The following SEMA6D variants were observed in gnomAD, a reference collection of about 807,000 sequenced individuals.
SEMA6D encodes semaphorin 6D.
In SEMA6D, 35 loss-of-function variants were observed where a neutral mutation model predicts 106.6. The observed-to-expected ratio is 0.33, with a 90% CI of 0.25 to 0.44. The LOEUF is 0.44. SEMA6D is among the 20% of genes least tolerant of loss of function. The pLI is 1.00. For missense variants in SEMA6D, 1,185 were observed against 1,345.9 expected (o/e 0.88, Z 1.87); for synonymous variants, 499 against 487.7 (o/e 1.02, Z -0.31).
chr15:47,245,281 C>T (rs2033139587), intron 1 of SEMA6D, among the ~76,000 whole-genome samples: 1 of 152,154 alleles, frequency 6.6e-6, no homozygotes, highest in Non-Finnish European at 1.5e-5. Context: ...CTTCAAACTG[C>T]TTTCTACAGT....
At chr15:47,234,848 C>T (rs1595785345) in intron 1 of SEMA6D, among the ~76,000 whole-genome samples, 1 of 152,034 alleles carries the variant, frequency 6.6e-6, no homozygotes, top group African/African-American at 2.4e-5. Context: ...ATTTATTTTC[C>T]TTTGGGTAGA....
At chr15:47,298,560 G>C (rs1027894637) in intron 1 of SEMA6D, among the ~76,000 whole-genome samples, 3 of 152,150 alleles carry the variant, frequency 2.0e-5, no homozygotes, top group African/African-American at 7.2e-5. Flanking sequence ...TTTCATAGAA[G>C]TCATTGTGTT....
At chr15:47,754,377 C>A (rs557081511) in intron 1 of SEMA6D, among the ~76,000 whole-genome samples, 1 of 152,120 alleles carries the variant, frequency 6.6e-6, no homozygotes, top group Non-Finnish European at 1.5e-5. Context: ...CTAAAACATC[C>A]TTATTTTGCC....
Position 47,771,215 on chromosome 15 carries a change from G to A in SEMA6D, c.2652G>A (p.Lys884=), listed in dbSNP as rs145767296. 1.3e-4 allele frequency: 215 copies of A among 1,614,080 alleles called. No individual in the cohort carries two copies. In the African/African-American group the frequency reaches 2.6e-3, roughly 20 times the overall value. The change falls in exon 19 of 19, where the codon AAG becomes AAA. Residue 884 remains lysine, a synonymous_variant. Coordinates refer to ENST00000536845, the MANE Select transcript of SEMA6D (RefSeq NM_001358351.3). ...GAAATACCCTCAATGATCTCCTGAA[G>A]CATCTGAATGACCCAAATAGTAACC... ...DSRNTLNDLL[K]HLNDPNSNPK...
At chr15:47,593,877 A>G (rs2076489207) in intron 3 of SEMA6D, among the ~76,000 whole-genome samples, 2 of 152,180 alleles carry the variant, frequency 1.3e-5, no homozygotes, top group Non-Finnish European at 2.9e-5. Flanking sequence ...TGAGAACTCT[A>G]TCACAAGAAC....
intron 1 of SEMA6D, among the ~76,000 whole-genome samples, chr15:47,371,605 T>A (rs1567034335): frequency 6.6e-6 from 1 of 152,172 alleles, no homozygotes; most frequent in South Asian, 2.1e-4. Context: ...TGCTATCACA[T>A]ATGCACTATT....
At chr15:47,349,381 ACT>A (rs1402328416) in intron 1 of SEMA6D, among the ~76,000 whole-genome samples, 1 of 152,040 alleles carries the variant, frequency 6.6e-6, no homozygotes, top group Non-Finnish European at 1.5e-5. Flanking sequence ...GTCCTTCATG[ACT>A]CTACAGGGCA....
chr15:47,354,049 T>TTC (rs146190181), intron 1 of SEMA6D, among the ~76,000 whole-genome samples: 1 of 150,146 alleles, frequency 6.7e-6, no homozygotes, highest in Non-Finnish European at 1.5e-5. Context: ...AGCTCTCTCA[T>TTC]TCTCTCTCTC....
chr15:47,581,609 C>T (rs1461357477), intron 3 of SEMA6D, among the ~76,000 whole-genome samples: 8 of 151,936 alleles, frequency 5.3e-5, no homozygotes, highest in South Asian at 2.1e-4. Flanking sequence ...GGGTAAGGGA[C>T]GCAAAGGTCT....
intron 1 of SEMA6D, among the ~76,000 whole-genome samples, chr15:47,354,144 A>G: frequency 6.7e-6 from 1 of 149,256 alleles, no homozygotes. Context: ...TATATATGGA[A>G]TGAAAGAGCT....
At chr15:47,606,438 G>C (rs1566929661) in intron 4 of SEMA6D, 2 of 152,122 alleles carry the variant, frequency 1.3e-5, no homozygotes, top group Admixed American at 6.6e-5. Context: ...CAGGCACTAT[G>C]GACAAAGATA....
chr15:47,303,433 G>C (rs899063054), intron 1 of SEMA6D, among the ~76,000 whole-genome samples: 20 of 152,112 alleles, frequency 1.3e-4, no homozygotes, highest in African/African-American at 4.8e-4. Flanking sequence ...ACTTCTTCAA[G>C]TCTTTGCCTA....
intron 1 of SEMA6D, among the ~76,000 whole-genome samples, chr15:47,723,707 G>C (rs1382633066): frequency 6.8e-6 from 1 of 146,472 alleles, no homozygotes; most frequent in Non-Finnish European, 1.5e-5. Flanking sequence ...ATTTTTTTTT[G>C]TTCTTTTTTT....
At chr15:47,482,879 T>C (rs558993174) in intron 3 of SEMA6D, among the ~76,000 whole-genome samples, 5 of 152,188 alleles carry the variant, frequency 3.3e-5, no homozygotes, top group Non-Finnish European at 7.4e-5. Context: ...TTGATAACTA[T>C]TATTTCAACA....
chr15:47,509,527 A>G (rs1036357215), intron 3 of SEMA6D, among the ~76,000 whole-genome samples: 1 of 152,200 alleles, frequency 6.6e-6, no homozygotes, highest in Non-Finnish European at 1.5e-5. Flanking sequence ...GCTCCCTGCC[A>G]TGACATTGAA....
At chr15:47,254,875 T>TTTTTTTTGTG (rs1555411185) in intron 1 of SEMA6D, among the ~76,000 whole-genome samples, 7 of 134,308 alleles carry the variant, frequency 5.2e-5, no homozygotes, top group African/African-American at 2.0e-4. Flanking sequence ...ACCTGTGGTT[T>TTTTTTTTGTG]TGTGTGTGTG....
chr15:47,709,974 G>C (rs569913834), intron 4 of SEMA6D, among the ~76,000 whole-genome samples: 2 of 151,828 alleles, frequency 1.3e-5, no homozygotes, highest in Non-Finnish European at 2.9e-5. Context: ...CCCAGACTGG[G>C]GTAGTTTTCT....
rs185186065 is a variant in SEMA6D, at chr15:47,483,857, C to T, written c.-87+13312C>T. ...TGCTATCTCAGTCTCAACTCTTCCC[C>T]TCTCTTATTGTTTCTGTTTCTTGGA... On this transcript the variant is annotated intron_variant, in intron 3 of 19. Transcript: ENST00000558014. 2.0e-5 allele frequency among the ~76,000 whole-genome samples: 3 copies of T among 152,144 alleles called. No homozygotes were observed. The East Asian group carries it at 5.8e-4, about 29-fold the overall frequency.
chr15:47,395,519 G>C (rs985407877), intron 1 of SEMA6D: 1 of 152,098 alleles, frequency 6.6e-6, no homozygotes, highest in South Asian at 2.1e-4. Context: ...TAAATATAAC[G>C]CATTATTTTG....
Sources: allele counts gnomAD v4.1 joint callset (sites outside exome capture counted in the v4.1 genomes callset), GRCh38; gene constraint gnomAD v4.1.1; transcripts MANE v1.5; gene names NCBI Gene and HGNC (gene_info 2026-07-23, HGNC 2026-07-21).